SLC1A6: variants seen among roughly 807,000 people sequenced by gnomAD.
SLC1A6 encodes solute carrier family 1 member 6.
In SLC1A6, 15 loss-of-function variants were observed where a neutral mutation model predicts 42.1. The ratio of observed to expected loss-of-function variants is 0.36; its 90% CI spans 0.24 to 0.55. The LOEUF is 0.55. SLC1A6 is among the 20% of genes least tolerant of loss of function. The pLI, the probability that SLC1A6 is intolerant of heterozygous loss-of-function variation, is 0.88. For synonymous variants in SLC1A6, 317 were observed against 319.7 expected, an observed-to-expected ratio of 0.99 and a Z score of 0.09; for missense variants, 542 against 772.5, an observed-to-expected ratio of 0.70 and a Z score of 3.54.
intron 3 of SLC1A6, among the ~76,000 whole-genome samples, chr19:14,969,078 G>A (rs1425413419): frequency 2.0e-5 from 3 of 152,006 alleles, no homozygotes; most frequent in African/African-American, 4.8e-5. Context: ...GAACTCAGAC[G>A]ATCCACTCAC....
intron 1 of SLC1A6, chr19:14,977,742 C>T (rs550198114): frequency 2.0e-5 from 3 of 152,366 alleles, no homozygotes; most frequent in African/African-American, 7.2e-5. Context: ...GATCGTACCA[C>T]TGCACTCCAA....
chr19:14,972,681 C>T, intron 2 of SLC1A6, 25 bp downstream of exon 2: 1 of 1,605,000 alleles, frequency 6.2e-7, no homozygotes, highest in African/African-American at 1.3e-5. Context: ...CCTGAAGTCC[C>T]CGCCCTCCAA....
intron 1 of SLC1A6, among the ~76,000 whole-genome samples, chr19:14,993,524 C>T (rs767373227): frequency 7.2e-5 from 11 of 152,090 alleles, no homozygotes; most frequent in Non-Finnish European, 1.6e-4. Flanking sequence ...GCTTTCTGCC[C>T]GGCATTGTAC....
At chr19:15,003,017 C>A (rs1272617074) in intron 1 of SLC1A6, among the ~76,000 whole-genome samples, 1 of 149,150 alleles carries the variant, frequency 6.7e-6, no homozygotes, top group Non-Finnish European at 1.5e-5. Context: ...GTCTCTGTCT[C>A]ACCCAGGCTA....
chr19:15,005,752 A>G (rs2045893253), intron 1 of SLC1A6, among the ~76,000 whole-genome samples: 1 of 152,224 alleles, frequency 6.6e-6, no homozygotes, highest in African/African-American at 2.4e-5. Flanking sequence ...TGTTGGTGTC[A>G]GCGTGTTAAA....
chr19:14,964,236 T>C, intron 5 of SLC1A6, 83 bp downstream of exon 5: 5 of 1,176,148 alleles, frequency 4.3e-6, no homozygotes, highest in Non-Finnish European at 6.4e-6. Context: ...TCCTCCCGCC[T>C]CTTGCCCTTG....
chr19:14,981,820 T>G (rs575505407), upstream of SLC1A6, among the ~76,000 whole-genome samples: 1 of 152,308 alleles, frequency 6.6e-6, no homozygotes, highest in South Asian at 2.1e-4. Flanking sequence ...TAGAGAGGCA[T>G]CCGATAATCT....
intron 1 of SLC1A6, among the ~76,000 whole-genome samples, chr19:14,991,958 TG>T (rs1397512916): frequency 6.6e-6 from 1 of 152,096 alleles, no homozygotes; most frequent in Non-Finnish European, 1.5e-5. Context: ...CCCGAGTAGC[TG>T]GGATTACAGG....
intron 9 of SLC1A6, among the ~76,000 whole-genome samples, chr19:14,951,878 G>C (rs1227030806): frequency 6.6e-6 from 1 of 151,934 alleles, no homozygotes; most frequent in Non-Finnish European, 1.5e-5. Flanking sequence ...ACAGTCATGT[G>C]ATCTTGACTC....
chr19:14,987,173 A>G (rs1325223303), intron 1 of SLC1A6, among the ~76,000 whole-genome samples: 1 of 152,144 alleles, frequency 6.6e-6, no homozygotes. Flanking sequence ...CTATGGGGAA[A>G]AAACAATAAT....
At chr19:14,978,413 C>G (rs2045734489) in intron 1 of SLC1A6, 1 of 152,342 alleles carries the variant, frequency 6.6e-6, no homozygotes, top group South Asian at 2.1e-4. Context: ...CACTCAGACA[C>G]ACACACGCAC....
rs373911963 is a variant in SLC1A6, at chr19:15,004,465, G to A, written c.6+6020C>T. 1.9e-3 allele frequency among the ~76,000 whole-genome samples: 282 copies of A among 151,610 alleles called. 2 individuals are homozygous for A. In the South Asian group the frequency reaches 0.027, roughly 14 times the overall value. ...GGCCATAATCCCAGCACTTTGAGAG[G>A]GTGAGGCAGGAGGATGGCTTGAAGC... On this transcript the variant is annotated intron_variant, in intron 1 of 8. Transcript: ENST00000430939.
At chr19:14,998,939 A>G (rs1203742055) in intron 1 of SLC1A6, among the ~76,000 whole-genome samples, 1 of 151,612 alleles carries the variant, frequency 6.6e-6, no homozygotes, top group Non-Finnish European at 1.5e-5. Context: ...GTGCAGTGGC[A>G]CTATCTCGGC....
intron 4 of SLC1A6, among the ~76,000 whole-genome samples, chr19:14,966,261 G>T (rs1321820319): frequency 6.6e-6 from 1 of 152,182 alleles, no homozygotes; most frequent in African/African-American, 2.4e-5. Flanking sequence ...AGAGGCTGAG[G>T]CAGGTAGATT....
chr19:14,971,995 T>G (rs193228578), intron 2 of SLC1A6, 121 bp from the exon 3 acceptor site: 1 of 807,652 alleles, frequency 1.2e-6, no homozygotes, highest in East Asian at 2.6e-5. Flanking sequence ...ATCCTATGAG[T>G]GTGTGTATTT....
rs753442710 is a variant in SLC1A6 at position 14,956,603 on chromosome 19, C to T, written c.1042G>A (p.Val348Met). ...QLGMYTLTVIVGLFLHAGIVL... is the reference protein window; with the variant it reads ...QLGMYTLTVIMGLFLHAGIVL... The stretch of plus-strand genomic sequence containing the variant: ...ATGCCGGCATGGAGGAACAGGCCCA[C>T]GATGACGGTCAGGGTGTACATGCCC... The change falls in exon 7 of 10, where the codon GTG becomes ATG. Residue 348 changes from valine (V) to methionine (M), a missense_variant. Transcript: ENST00000594383. The T allele has an allele frequency of 5.6e-6, 9 of 1,613,886 alleles. No individual in the cohort carries two copies. The highest frequency in any genetic ancestry group is 1.1e-5 in the South Asian group (1 of 91,064).
chr19:15,004,072 C>T (rs1018141981), intron 1 of SLC1A6, among the ~76,000 whole-genome samples: 2 of 152,098 alleles, frequency 1.3e-5, no homozygotes, highest in Non-Finnish European at 2.9e-5. Context: ...AGGAGAATTG[C>T]TTGAACCCAG....
rs772162781 is a variant in SLC1A6, at chr19:14,950,149, C to T, written c.*46G>A. ...CAGATGTGTCACCAGGACTCCCCTCCCCAGCCCCCTTCCCTCCTCTCTGGG... is the reference window on the plus strand; with the variant it reads ...CAGATGTGTCACCAGGACTCCCCTCTCCAGCCCCCTTCCCTCCTCTCTGGG... On this transcript the variant is annotated 3_prime_UTR_variant, in exon 10 of 10. Coordinates refer to ENST00000594383, the MANE Select transcript of SLC1A6 (RefSeq NM_005071.3). 3 of 1,404,806 alleles carry T rather than the reference C, an allele frequency of 2.1e-6. No homozygotes were observed. The highest frequency in any genetic ancestry group is 5.2e-5 in the Admixed American group (2 of 38,132). 87.0% of individuals were successfully genotyped at this position (1,404,806 alleles called of 1,614,324 possible).
intron 5 of SLC1A6, among the ~76,000 whole-genome samples, chr19:14,963,373 G>A (rs12460957): frequency 0.18 from 26,629 of 152,056 alleles, 3,341 homozygotes; most frequent in African/African-American, 0.36. Context: ...AAGTTCAAGA[G>A]CTCTATTATA....
Sources: gnomAD v4.1 joint callset for allele counts (sites outside exome capture counted in the v4.1 genomes callset) on GRCh38, gnomAD v4.1.1 for gene constraint, MANE v1.5 for transcripts, NCBI Gene and HGNC (gene_info 2026-07-23, HGNC 2026-07-21) for gene names.